Variants in MAPK10 observed in about 807,000 individuals in gnomAD.
MAPK10 encodes JNK3 alpha protein kinase.
Under a neutral mutation model 59.3 loss-of-function variants are expected in MAPK10, and 25 were observed. The ratio of observed to expected loss-of-function variants is 0.42; its 90% CI spans 0.31 to 0.59. The LOEUF is 0.59. Among genes scored for constraint, MAPK10 ranks in the 20% least tolerant of loss-of-function variants. MAPK10 has a pLI of 0.15. For missense variants in MAPK10, 351 were observed against 568.9 expected (o/e 0.62, Z 3.90); for synonymous variants, 190 against 200.5 (o/e 0.95, Z 0.44).
chr4:86,293,301 A>C (rs1461438762), intron 2 of MAPK10, among the ~76,000 whole-genome samples: 2 of 152,232 alleles, frequency 1.3e-5, no homozygotes, highest in Non-Finnish European at 2.9e-5. Context: ...TGAAGAAATA[A>C]TTTAAAGAAT....
intron 1 of MAPK10, among the ~76,000 whole-genome samples, chr4:86,496,829 T>C (rs1367142857): frequency 6.6e-6 from 1 of 152,112 alleles, no homozygotes; most frequent in Non-Finnish European, 1.5e-5. Context: ...TACTCAATAC[T>C]CCTTTGCTGG....
At chr4:86,194,270 TG>T (rs1236224835) in intron 3 of MAPK10, 65 bp downstream of exon 3, 3 of 1,193,876 alleles carry the variant, frequency 2.5e-6, no homozygotes, top group African/African-American at 3.0e-5. Context: ...TGTATGCAAA[TG>T]GTATGTCAAA....
intron 1 of MAPK10, among the ~76,000 whole-genome samples, chr4:86,516,613 T>C (rs1756684175): frequency 6.6e-6 from 1 of 151,044 alleles, no homozygotes; most frequent in East Asian, 1.9e-4. Context: ...TTGTTAGGTA[T>C]ATTCCTAAGG....
At chr4:86,158,915 C>T (rs1224735211) in intron 4 of MAPK10, 3 of 157,444 alleles carry the variant, frequency 1.9e-5, no homozygotes, top group African/African-American at 7.2e-5. Flanking sequence ...TTATTCCACT[C>T]TAGCATATAA....
intron 13 of MAPK10, chr4:86,026,318 A>T (rs1463417492): frequency 6.6e-6 from 1 of 152,210 alleles, no homozygotes; most frequent in African/African-American, 2.4e-5. Flanking sequence ...GAAGAAAATT[A>T]ATTTCAATTC....
chr4:86,090,394 T>A (rs2052870773), intron 9 of MAPK10: 1 of 152,226 alleles, frequency 6.6e-6, no homozygotes, highest in South Asian at 2.1e-4. Context: ...CGGGTTAAAC[T>A]CAAAGTTTCC....
At chr4:86,376,765 T>C (rs1285630845) in intron 1 of MAPK10, among the ~76,000 whole-genome samples, 1 of 152,084 alleles carries the variant, frequency 6.6e-6, no homozygotes, top group Non-Finnish European at 1.5e-5. Flanking sequence ...TAAATAAATA[T>C]TTTGAAGAAG....
At chr4:86,263,722 G>C (rs554535908) in intron 2 of MAPK10, among the ~76,000 whole-genome samples, 1 of 152,286 alleles carries the variant, frequency 6.6e-6, no homozygotes, top group Non-Finnish European at 1.5e-5. Flanking sequence ...AACTCTCTGA[G>C]CCTCTGTTTC....
intron 2 of MAPK10, among the ~76,000 whole-genome samples, chr4:86,208,798 T>C (rs1314300874): frequency 6.6e-6 from 1 of 152,116 alleles, no homozygotes; most frequent in East Asian, 1.9e-4. Flanking sequence ...GGAAGTCAAA[T>C]TGTCCCTGTT....
intron 2 of MAPK10, among the ~76,000 whole-genome samples, chr4:86,248,268 G>A (rs114802360): frequency 0.013 from 2,029 of 152,242 alleles, 38 homozygotes; most frequent in African/African-American, 0.047. Context: ...GAGATTATTT[G>A]AAAATTGCTG....
chr4:86,465,017 A>G (rs1290673093), intron 1 of MAPK10, among the ~76,000 whole-genome samples: 1 of 152,236 alleles, frequency 6.6e-6, no homozygotes, highest in Non-Finnish European at 1.5e-5. Context: ...TCTGGAAAGA[A>G]GCTAAAGCTA....
intron 5 of MAPK10, among the ~76,000 whole-genome samples, chr4:86,106,135 G>T (rs1561765554): frequency 6.6e-6 from 1 of 152,100 alleles, no homozygotes; most frequent in Non-Finnish European, 1.5e-5. Context: ...TCAGGGTAGA[G>T]TAACAGAGGA....
intron 1 of MAPK10, among the ~76,000 whole-genome samples, chr4:86,500,228 A>C (rs561736186): frequency 6.6e-6 from 1 of 152,166 alleles, no homozygotes; most frequent in Non-Finnish European, 1.5e-5. Flanking sequence ...AAAACTAAAA[A>C]TTAGGTCACA....
At chr4:86,330,097 C>T (rs2096118676) in intron 2 of MAPK10, among the ~76,000 whole-genome samples, 1 of 152,180 alleles carries the variant, frequency 6.6e-6, no homozygotes, top group Non-Finnish European at 1.5e-5. Context: ...AAATGAGAAT[C>T]TGCATGTGTG....
intron 3 of MAPK10, among the ~76,000 whole-genome samples, chr4:86,187,676 C>T (rs1562869567): frequency 6.6e-6 from 1 of 152,068 alleles, no homozygotes; most frequent in Admixed American, 6.6e-5. Context: ...GAAGAAATCA[C>T]TTTATAATAA....
At chr4:86,039,967 A>T (rs1047697559) in intron 11 of MAPK10, among the ~76,000 whole-genome samples, 1 of 152,176 alleles carries the variant, frequency 6.6e-6, no homozygotes, top group Admixed American at 6.5e-5. Context: ...CTACCCTTAG[A>T]CGACACCAAA....
At chr4:86,162,000 A>G (rs2069871789) in intron 3 of MAPK10, among the ~76,000 whole-genome samples, 1 of 151,918 alleles carries the variant, frequency 6.6e-6, no homozygotes, top group Admixed American at 6.6e-5. Context: ...CTTATCTCTC[A>G]GGTTTACTCT....
At chr4:86,541,949 AC>A (rs1758730024) in intron 1 of MAPK10, among the ~76,000 whole-genome samples, 11 of 13,300 alleles carry the variant, frequency 8.3e-4, no homozygotes, top group African/African-American at 1.5e-3. Flanking sequence ...ATACACCGGC[AC>A]ACACACACAC....
At chr4:86,122,139 C>G (rs2059363042) in intron 4 of MAPK10, among the ~76,000 whole-genome samples, 1 of 152,008 alleles carries the variant, frequency 6.6e-6, no homozygotes, top group Non-Finnish European at 1.5e-5. Flanking sequence ...CAGATAGAGC[C>G]AAGTGAGGAC....
Sources: allele counts gnomAD v4.1 joint callset (sites outside exome capture counted in the v4.1 genomes callset), GRCh38; gene constraint gnomAD v4.1.1; transcripts MANE v1.5; gene names NCBI Gene and HGNC (gene_info 2026-07-23, HGNC 2026-07-21).